Variants in RIMBP2 observed in about 807,000 individuals in gnomAD.
RIMBP2 encodes RIMS binding protein 2, also known as RIMS-binding protein 2.
In RIMBP2, 48 loss-of-function variants were observed where a neutral mutation model predicts 118.6. That is an observed-to-expected ratio of 0.40 (90% CI 0.32 to 0.51). The LOEUF (loss-of-function observed/expected upper bound fraction) is 0.51. Among genes scored for constraint, RIMBP2 ranks in the 20% least tolerant of loss-of-function variants. RIMBP2 has a pLI of 0.41. For missense variants in RIMBP2, 1,551 were observed against 1,768.3 expected (o/e 0.88, Z 2.20); for synonymous variants, 762 against 742.9 (o/e 1.03, Z -0.42).
intron 1 of RIMBP2, among the ~76,000 whole-genome samples, chr12:130,715,771 G>GC (rs1950285964): frequency 8.9e-6 from 1 of 112,416 alleles, no homozygotes; most frequent in African/African-American, 3.5e-5. Context: ...CCTCCACCCC[G>GC]CCCCCAAGAA....
chr12:130,402,878 G>A (rs971221908), intron 21 of RIMBP2, among the ~76,000 whole-genome samples: 8 of 152,194 alleles, frequency 5.3e-5, no homozygotes, highest in East Asian at 3.8e-4. Context: ...TTCAGATACC[G>A]AGATGCTGGG....
At chr12:130,481,181 G>A (rs2081978047) in intron 4 of RIMBP2, among the ~76,000 whole-genome samples, 2 of 151,990 alleles carry the variant, frequency 1.3e-5, no homozygotes, top group South Asian at 4.1e-4. Flanking sequence ...GGCTCAGGGG[G>A]AGGGGTGTGG....
In RIMBP2 at chr12:130,413,703, TA is replaced by T. The variant is rs534284409; in HGVS notation, c.3420+421del. 3.9e-3 allele frequency among the ~76,000 whole-genome samples: 579 copies of T among 150,376 alleles called. 10 individuals are homozygous for T. The highest frequency in any genetic ancestry group is 0.035 in the Admixed American group (526 of 15,098). ...AGGAAACAACCTCCATCAGGTGTAT[TA>T]AAGAACTAAGGCATGGAACTCCAGC... is the stretch of plus-strand genomic sequence containing the variant. On this transcript the variant is annotated intron_variant, in intron 18 of 22. Coordinates refer to ENST00000690449, the MANE Select transcript of RIMBP2 (RefSeq NM_001393629.1).
At chr12:130,551,836 C>T (rs78347443) in intron 2 of RIMBP2, among the ~76,000 whole-genome samples, 6,723 of 152,332 alleles carry the variant, frequency 0.044, 285 homozygotes, top group East Asian at 0.22. Flanking sequence ...AGGGGCCTTC[C>T]AGTCATCCCA....
intron 5 of RIMBP2, chr12:130,471,712 C>G (rs1323950358): frequency 2.0e-5 from 3 of 152,604 alleles, no homozygotes; most frequent in African/African-American, 7.2e-5. Flanking sequence ...GCCATCCCCC[C>G]AGATGCTCCT....
At chr12:130,700,854 T>C (rs904340932) in intron 1 of RIMBP2, among the ~76,000 whole-genome samples, 2 of 152,214 alleles carry the variant, frequency 1.3e-5, no homozygotes, top group African/African-American at 4.8e-5. Context: ...GTGCACACCT[T>C]GTGAGCGCCC....
At chr12:130,591,299 G>T (rs1043502077) in intron 2 of RIMBP2, among the ~76,000 whole-genome samples, 3 of 152,190 alleles carry the variant, frequency 2.0e-5, no homozygotes, top group Admixed American at 6.5e-5. Flanking sequence ...GATCTTGCAG[G>T]CTAGACTGTC....
intron 1 of RIMBP2, among the ~76,000 whole-genome samples, chr12:130,672,429 A>G (rs889947465): frequency 3.3e-5 from 5 of 152,236 alleles, no homozygotes; most frequent in African/African-American, 1.2e-4. Context: ...ATAATTATGA[A>G]CCAAAACTTC....
At chr12:130,592,424 C>T (rs997857086) in intron 2 of RIMBP2, among the ~76,000 whole-genome samples, 1 of 152,158 alleles carries the variant, frequency 6.6e-6, no homozygotes, top group African/African-American at 2.4e-5. Context: ...GATGCAGTGG[C>T]TCACACCTGT....
intron 1 of RIMBP2, among the ~76,000 whole-genome samples, chr12:130,656,542 G>A (rs1048984105): frequency 2.0e-5 from 3 of 150,834 alleles, no homozygotes; most frequent in Non-Finnish European, 4.4e-5. Flanking sequence ...AGCCCCAGCA[G>A]GCCTGTTTCT....
chr12:130,456,142 C>T (rs1193716020), intron 7 of RIMBP2, among the ~76,000 whole-genome samples: 3 of 152,222 alleles, frequency 2.0e-5, no homozygotes, highest in African/African-American at 7.2e-5. Flanking sequence ...CTTGTGGAGT[C>T]GTTGCCAGTG....
At chr12:130,591,397 G>T (rs1450879661) in intron 2 of RIMBP2, among the ~76,000 whole-genome samples, 1 of 152,220 alleles carries the variant, frequency 6.6e-6, no homozygotes, top group Non-Finnish European at 1.5e-5. Flanking sequence ...GGCAGGAAGG[G>T]TCGCCTGGGT....
At chr12:130,552,069 T>C (rs541204557) in intron 2 of RIMBP2, among the ~76,000 whole-genome samples, 1 of 152,368 alleles carries the variant, frequency 6.6e-6, no homozygotes, top group East Asian at 1.9e-4. Context: ...CTTGGGCTCA[T>C]AACTGCTTTA....
intron 2 of RIMBP2, among the ~76,000 whole-genome samples, chr12:130,554,990 C>T (rs546378233): frequency 1.3e-5 from 2 of 152,336 alleles, no homozygotes; most frequent in African/African-American, 4.8e-5. Context: ...CACTTATGTG[C>T]TGTTCTAAAC....
intron 4 of RIMBP2, among the ~76,000 whole-genome samples, chr12:130,479,266 C>G (rs1266305044): frequency 6.6e-6 from 1 of 152,228 alleles, no homozygotes; most frequent in Non-Finnish European, 1.5e-5. Context: ...ATGCAGCGAG[C>G]ATTTGAGCAG....
At chr12:130,675,329 G>A (rs1001393959) in intron 1 of RIMBP2, among the ~76,000 whole-genome samples, 4 of 152,140 alleles carry the variant, frequency 2.6e-5, no homozygotes, top group South Asian at 2.1e-4. Flanking sequence ...ACAGCGCCCC[G>A]TGGAGCAGGC....
rs2080820302 is a variant in RIMBP2, at chr12:130,469,510, A to C, written c.153+1183T>G. Among the ~76,000 whole-genome samples the C allele has an allele frequency of 6.6e-6, 1 of 152,128 alleles. No homozygotes were observed. The highest frequency in any genetic ancestry group is 1.5e-5 in the Non-Finnish European group (1 of 68,010). Reference sequence around the variant, plus strand: ...AAGTGAATTATTTTCCAGGGAGATAAATGGCCATTTGGAGGTCTGTTTCTA... The same window carrying C: ...AAGTGAATTATTTTCCAGGGAGATACATGGCCATTTGGAGGTCTGTTTCTA... On this transcript the variant is annotated intron_variant, in intron 6 of 22. Coordinates refer to ENST00000690449, the MANE Select transcript of RIMBP2 (RefSeq NM_001393629.1). The surrounding 1 kb of genome is among the most constrained non-coding windows in gnomAD (Gnocchi z 4.8).
chr12:130,414,476 A>G, intron 17 of RIMBP2, 170 bp from the exon 18 acceptor site: 1 of 600,000 alleles, frequency 1.7e-6, no homozygotes, highest in Non-Finnish European at 2.8e-6. Flanking sequence ...GGTCAGATGA[A>G]TTGGAGAAGC....
chr12:130,492,445 A>AAG (rs767355456), intron 4 of RIMBP2, among the ~76,000 whole-genome samples: 18 of 151,874 alleles, frequency 1.2e-4, no homozygotes, highest in South Asian at 4.2e-4. Flanking sequence ...GGGAAAAAAA[A>AAG]AGAGAGAGAG....
Sources: gnomAD v4.1 joint callset for allele counts (sites outside exome capture counted in the v4.1 genomes callset) on GRCh38, gnomAD v4.1.1 for gene constraint, Gnocchi (gnomAD v3.1) non-coding constraint, MANE v1.5 for transcripts, NCBI Gene and HGNC (gene_info 2026-07-23, HGNC 2026-07-21) for gene names.